TP53BP2: variants seen among roughly 807,000 people sequenced by gnomAD.
TP53BP2 encodes the protein apoptosis-stimulating of p53 protein 2.
Under a neutral mutation model 126.2 loss-of-function variants are expected in TP53BP2, and 62 were observed. That is an observed-to-expected ratio of 0.49 (90% CI 0.40 to 0.61). TP53BP2 has a LOEUF of 0.61. Ranked by LOEUF, TP53BP2 falls within the 20% of genes least tolerant of loss-of-function variation. The pLI is 0.00. For missense variants in TP53BP2, 1,215 were observed against 1,402.8 expected, an observed-to-expected ratio of 0.87 and a Z score of 2.14; for synonymous variants, 485 against 502.9, an observed-to-expected ratio of 0.96 and a Z score of 0.48.
intron 9 of TP53BP2, among the ~76,000 whole-genome samples, chr1:223,801,451 ACTT>A (rs1323345459): frequency 1.3e-5 from 2 of 152,202 alleles, no homozygotes; most frequent in Admixed American, 6.5e-5. Context: ...ACTGGCTATT[ACTT>A]CTTCTGTCCA....
chr1:223,843,659 G>T (rs566596516), intron 1 of TP53BP2, among the ~76,000 whole-genome samples: 1 of 152,210 alleles, frequency 6.6e-6, no homozygotes, highest in South Asian at 2.1e-4. Flanking sequence ...TACATTCTGA[G>T]ACTATCCATT....
At chr1:223,820,579 T>C (rs1663266160) in intron 2 of TP53BP2, among the ~76,000 whole-genome samples, 2 of 152,222 alleles carry the variant, frequency 1.3e-5, no homozygotes, top group South Asian at 4.1e-4. Flanking sequence ...ATGAATGGCA[T>C]GAACTCAATT....
chr1:223,825,065 T>C (rs1663445384), intron 1 of TP53BP2, among the ~76,000 whole-genome samples: 1 of 135,188 alleles, frequency 7.4e-6, no homozygotes, highest in African/African-American at 3.4e-5. Context: ...CCTAGCCCAT[T>C]CTTCTGCTTT....
chr1:223,788,340 CTTCT>C (rs1323753369), intron 16 of TP53BP2, among the ~76,000 whole-genome samples: 1 of 152,138 alleles, frequency 6.6e-6, no homozygotes, highest in African/African-American at 2.4e-5. Flanking sequence ...GTCTTCCCTC[CTTCT>C]TTAATTCCTC....
At chr1:223,799,596 G>C (rs1662461090) in intron 11 of TP53BP2, among the ~76,000 whole-genome samples, 1 of 152,174 alleles carries the variant, frequency 6.6e-6, no homozygotes. Context: ...CAAGCATTTT[G>C]TAACTTTGAA....
At chr1:223,843,415 C>T (rs1184133756) in intron 1 of TP53BP2, among the ~76,000 whole-genome samples, 12 of 152,138 alleles carry the variant, frequency 7.9e-5, no homozygotes, top group Admixed American at 7.2e-4. Context: ...GTGATCCGCC[C>T]GCCTCGACCT....
At chr1:223,843,956 T>C (rs776211458) in intron 1 of TP53BP2, among the ~76,000 whole-genome samples, 8 of 152,366 alleles carry the variant, frequency 5.3e-5, no homozygotes, top group East Asian at 1.9e-4. Flanking sequence ...CTACCGCCTA[T>C]TGCAAGCTAG....
At chr1:223,809,921 G>A (rs1662855952) in intron 4 of TP53BP2, among the ~76,000 whole-genome samples, 1 of 152,028 alleles carries the variant, frequency 6.6e-6, no homozygotes, top group Admixed American at 6.5e-5. Flanking sequence ...CTGCCTCCCG[G>A]GTTCAAGAGA....
At position 223,792,406 on chromosome 1, in the gene TP53BP2, A is replaced by T. The variant is rs1334816899; in HGVS notation, c.2979T>A (p.Ala993=). Residue 993 remains alanine, a synonymous_variant, in exon 15 of 18, where the codon GCT becomes GCA. Transcript: ENST00000343537. The part of the protein sequence containing the change: ...FLVQFGVNVN[A]ADSDGWTPLH... ...AATCTTACCATCCATCACTATCAGCAGCATTTACATTTACACCAAACTGTA... is the reference window on the plus strand; with the variant it reads ...AATCTTACCATCCATCACTATCAGCTGCATTTACATTTACACCAAACTGTA... 8.1e-6 allele frequency: 13 copies of T among 1,611,448 alleles called. No homozygotes were observed. Among genetic ancestry groups the T allele is most frequent in the Non-Finnish European group, 1.0e-5 (12 of 1,178,824 alleles).
chr1:223,802,476 A>T (rs1298037374), intron 8 of TP53BP2, 132 bp from the exon 9 acceptor site: 17 of 996,962 alleles, frequency 1.7e-5, no homozygotes, highest in Non-Finnish European at 2.3e-5. Context: ...TCTACAAAAA[A>T]CATTCCAAAA....
intron 1 of TP53BP2, among the ~76,000 whole-genome samples, chr1:223,835,073 G>A (rs1051033779): frequency 1.3e-5 from 2 of 152,220 alleles, no homozygotes. Flanking sequence ...CTGAAACTGT[G>A]ACGCAGGGAT....
chr1:223,811,691 T>C (rs894895340), intron 3 of TP53BP2, among the ~76,000 whole-genome samples: 44 of 152,296 alleles, frequency 2.9e-4, no homozygotes, highest in African/African-American at 9.4e-4. Context: ...CAGGTCCTAA[T>C]TGAATTGGAA....
At chr1:223,793,498 A>G (rs1662218716) in intron 13 of TP53BP2, 58 bp from the exon 14 acceptor site, 1 of 1,432,124 alleles carries the variant, frequency 7.0e-7, no homozygotes, top group African/African-American at 1.5e-5. Context: ...GAACAACAGC[A>G]GCAAATGGGA....
intron 2 of TP53BP2, among the ~76,000 whole-genome samples, chr1:223,815,864 T>A (rs949638588): frequency 2.0e-5 from 3 of 152,234 alleles, no homozygotes; most frequent in Admixed American, 2.0e-4. Flanking sequence ...TAACATGCTG[T>A]ACAGGTTTGT....
At chr1:223,829,734 CAA>C (rs541890457) in intron 1 of TP53BP2, among the ~76,000 whole-genome samples, 6 of 101,464 alleles carry the variant, frequency 5.9e-5, no homozygotes, top group Non-Finnish European at 6.4e-5. Context: ...ATAATCAGGT[CAA>C]AAAAAAAAAA....
In TP53BP2 at chr1:223,788,835, A is replaced by T. The variant is rs529687399; in HGVS notation, c.3163+173T>A. ...AAGTCCCTGACAATAGCTGTTTCTA[A>T]GCATACAAACAGAAGCTGTATTATC... On this transcript the variant is annotated intron_variant, in intron 16 of 17. Coordinates refer to ENST00000343537, the MANE Select transcript of TP53BP2 (RefSeq NM_001031685.3). Among the ~76,000 whole-genome samples, 3 of 152,354 alleles carry T rather than the reference A, an allele frequency of 2.0e-5. No homozygotes were observed. The East Asian group carries it at 5.8e-4, about 29-fold the overall frequency.
intron 16 of TP53BP2, 131 bp downstream of exon 16, chr1:223,788,877 G>T: frequency 1.2e-6 from 1 of 865,698 alleles, no homozygotes; most frequent in Non-Finnish European, 1.8e-6. Flanking sequence ...CAAGGCTGTT[G>T]TATTTTCAAG....
At chr1:223,810,782 G>A (rs1401899294) in intron 3 of TP53BP2, among the ~76,000 whole-genome samples, 2 of 152,106 alleles carry the variant, frequency 1.3e-5, no homozygotes, top group Non-Finnish European at 2.9e-5. Context: ...CATACCAAAG[G>A]AGGAAAAATT....
Position 223,780,677 on chromosome 1 carries a change from A to T in TP53BP2, c.*176T>A. The stretch of plus-strand genomic sequence containing the variant: ...GTAGATGCTTTATTTCATCACGCTA[A>T]ATGTCCTCTAATGGTGAATTCTTCA... On this transcript the variant is annotated 3_prime_UTR_variant, in exon 18 of 18. Coordinates refer to ENST00000343537, the MANE Select transcript of TP53BP2 (RefSeq NM_001031685.3). 1 of 652,102 alleles carries T rather than the reference A, an allele frequency of 1.5e-6. No individual in the cohort carries two copies. Among genetic ancestry groups the T allele is most frequent in the East Asian group, 2.8e-5 (1 of 36,232 alleles). 40.4% of individuals were successfully genotyped at this position (652,102 alleles called of 1,614,324 possible).
Sources: allele counts gnomAD v4.1 joint callset (sites outside exome capture counted in the v4.1 genomes callset), GRCh38; gene constraint gnomAD v4.1.1; transcripts MANE v1.5; gene names NCBI Gene and HGNC (gene_info 2026-07-23, HGNC 2026-07-21).